Variants in MALRD1 observed in about 807,000 individuals in gnomAD.
The protein encoded by MALRD1 is MAM and LDL-receptor class A domain-containing protein 1.
MALRD1 carries 247 observed loss-of-function variants against 242.1 expected under a neutral mutation model. The observed-to-expected ratio is 1.02, with a 90% CI of 0.92 to 1.13. The LOEUF (loss-of-function observed/expected upper bound fraction) is 1.13. MALRD1 is among the 50% of genes most tolerant of loss of function. The pLI, the probability that MALRD1 is intolerant of heterozygous loss-of-function variation, is 0.00. For missense variants in MALRD1, 2,989 were observed against 2,533.1 expected (o/e 1.18, Z -3.86); for synonymous variants, 995 against 866.6 (o/e 1.15, Z -2.60).
chr10:19,288,984 C>G (rs1313887511), intron 21 of MALRD1, among the ~76,000 whole-genome samples: 3 of 152,012 alleles, frequency 2.0e-5, no homozygotes, highest in Admixed American at 1.3e-4. Flanking sequence ...TTGGATCTCT[C>G]TTTTGTCATT....
intron 29 of MALRD1, among the ~76,000 whole-genome samples, chr10:19,486,282 G>GT (rs927884913): frequency 4.6e-5 from 7 of 152,042 alleles, no homozygotes; most frequent in African/African-American, 1.2e-4. Context: ...AGTCTGATCA[G>GT]TTTTTTTTAA....
chr10:19,264,415 G>T (rs1335872871), intron 19 of MALRD1, among the ~76,000 whole-genome samples: 1 of 150,324 alleles, frequency 6.7e-6, no homozygotes, highest in Non-Finnish European at 1.5e-5. Context: ...TCCTTTTCTG[G>T]CTTGGAATCA....
intron 38 of MALRD1, among the ~76,000 whole-genome samples, chr10:19,719,495 A>G (rs1057285940): frequency 6.6e-6 from 1 of 151,966 alleles, no homozygotes; most frequent in African/African-American, 2.4e-5. Context: ...AAGAGTGCTT[A>G]AACAGTGACG....
intron 18 of MALRD1, among the ~76,000 whole-genome samples, chr10:19,250,572 T>C (rs1299471269): frequency 1.3e-5 from 2 of 151,996 alleles, no homozygotes; most frequent in Admixed American, 6.6e-5. Flanking sequence ...CAGGAAGGTA[T>C]TGTTATATAT....
At chr10:19,339,084 C>T (rs1843727905) in intron 24 of MALRD1, among the ~76,000 whole-genome samples, 1 of 151,578 alleles carries the variant, frequency 6.6e-6, no homozygotes, top group Non-Finnish European at 1.5e-5. Context: ...ACACACATCC[C>T]TAGGAGGATG....
intron 29 of MALRD1, among the ~76,000 whole-genome samples, chr10:19,468,302 A>C (rs1209222378): frequency 6.6e-6 from 1 of 152,170 alleles, no homozygotes; most frequent in Non-Finnish European, 1.5e-5. Flanking sequence ...TTATTTTCTT[A>C]ATTGCTTTAA....
chr10:19,489,469 T>C, intron 29 of MALRD1: 2 of 579,716 alleles, frequency 3.4e-6, no homozygotes, highest in South Asian at 1.4e-5. Flanking sequence ...GGAATATTTT[T>C]ATCAACCATT....
chr10:19,586,721 C>T (rs1246309682), intron 33 of MALRD1, among the ~76,000 whole-genome samples: 2 of 152,210 alleles, frequency 1.3e-5, no homozygotes, highest in Non-Finnish European at 1.5e-5. Context: ...CTACAGAGGC[C>T]CGCAGGCCTC....
intron 32 of MALRD1, among the ~76,000 whole-genome samples, chr10:19,549,599 G>T (rs1423935369): frequency 6.6e-6 from 1 of 152,080 alleles, no homozygotes; most frequent in Non-Finnish European, 1.5e-5. Flanking sequence ...CTTTTTGTAG[G>T]CATAATGCTG....
chr10:19,189,360 G>A (rs1248259022), intron 14 of MALRD1, among the ~76,000 whole-genome samples: 3 of 152,108 alleles, frequency 2.0e-5, no homozygotes, highest in African/African-American at 7.2e-5. Context: ...TCCCATTAGT[G>A]TCAGTGGTGA....
chr10:19,706,692 G>A (rs1348049943), intron 38 of MALRD1, among the ~76,000 whole-genome samples: 1 of 152,010 alleles, frequency 6.6e-6, no homozygotes, highest in African/African-American at 2.4e-5. Flanking sequence ...GTTGTCTCCT[G>A]TCTCCCTCTC....
intron 31 of MALRD1, among the ~76,000 whole-genome samples, chr10:19,527,860 C>T (rs1834173597): frequency 2.0e-5 from 3 of 152,080 alleles, no homozygotes; most frequent in Admixed American, 2.0e-4. Flanking sequence ...AGTCTAAATG[C>T]ATTAGAAATT....
intron 36 of MALRD1, among the ~76,000 whole-genome samples, chr10:19,646,066 A>G (rs1046040304): frequency 6.6e-6 from 1 of 152,210 alleles, no homozygotes; most frequent in Non-Finnish European, 1.5e-5. Flanking sequence ...TATAATAAAC[A>G]TGGATAAAGT....
chr10:19,586,895 C>G (rs1161603795), intron 33 of MALRD1, among the ~76,000 whole-genome samples: 1 of 152,244 alleles, frequency 6.6e-6, no homozygotes, highest in East Asian at 1.9e-4. Context: ...GGGCCTAGGA[C>G]ACTCCGAGCC....
intron 34 of MALRD1, 138 bp downstream of exon 34, chr10:19,595,595 G>A: frequency 9.4e-7 from 1 of 1,065,958 alleles, no homozygotes; most frequent in Middle Eastern, 2.7e-4. Context: ...TCAGTGTTAT[G>A]TTGCAAAACA....
intron 17 of MALRD1, among the ~76,000 whole-genome samples, chr10:19,209,034 T>A (rs941166797): frequency 6.6e-6 from 1 of 152,084 alleles, no homozygotes; most frequent in Non-Finnish European, 1.5e-5. Context: ...TGGAAAAAAG[T>A]GTCCAAAGCA....
At chr10:19,239,726 A>G (rs372613852) in intron 18 of MALRD1, among the ~76,000 whole-genome samples, 108 of 152,234 alleles carry the variant, frequency 7.1e-4, no homozygotes, top group Middle Eastern at 6.8e-3. Flanking sequence ...TAGATATCCA[A>G]TCTTCTCAGT....
chr10:19,369,032 G>T (rs979617159), intron 26 of MALRD1, among the ~76,000 whole-genome samples: 22 of 147,478 alleles, frequency 1.5e-4, no homozygotes, highest in Non-Finnish European at 2.8e-4. Context: ...CAGACAAATA[G>T]ATACTTTAGC....
At chr10:19,254,766 T>C (rs1839430759) in intron 18 of MALRD1, among the ~76,000 whole-genome samples, 1 of 151,906 alleles carries the variant, frequency 6.6e-6, no homozygotes, top group Admixed American at 6.6e-5. Flanking sequence ...TACCAATTTT[T>C]AATATAATGT....
Sources: gnomAD v4.1 joint callset for allele counts (sites outside exome capture counted in the v4.1 genomes callset) on GRCh38, gnomAD v4.1.1 for gene constraint, MANE v1.5 for transcripts, NCBI Gene and HGNC (gene_info 2026-07-23, HGNC 2026-07-21) for gene names.